ARNT2: variants seen among roughly 807,000 people sequenced by gnomAD.
ARNT2 encodes ARNT protein 2.
Under a neutral mutation model 91.7 loss-of-function variants are expected in ARNT2, and 36 were observed. The observed-to-expected ratio is 0.39, with a 90% CI of 0.30 to 0.52. The LOEUF (loss-of-function observed/expected upper bound fraction) is 0.52, where lower values mean the gene tolerates loss of function less well. Among genes scored for constraint, ARNT2 ranks in the 20% least tolerant of loss-of-function variants. ARNT2 has a pLI of 0.72. For synonymous variants in ARNT2, 365 were observed against 347.1 expected (o/e 1.05, Z -0.57); for missense variants, 775 against 939.3 (o/e 0.83, Z 2.29).
At chr15:80,520,546 G>T (rs931582283) in intron 8 of ARNT2, among the ~76,000 whole-genome samples, 1 of 108,766 alleles carries the variant, frequency 9.2e-6, no homozygotes. Flanking sequence ...ATCTCATGTT[G>T]TGTTCTTACC....
At chr15:80,587,056 G>T (rs1030909670) in intron 17 of ARNT2, among the ~76,000 whole-genome samples, 1 of 152,120 alleles carries the variant, frequency 6.6e-6, no homozygotes, top group Non-Finnish European at 1.5e-5. Flanking sequence ...GAATTATGGG[G>T]AATTATAGAC....
chr15:80,414,167 T>TA (rs1164881884), intron 1 of ARNT2, among the ~76,000 whole-genome samples: 1 of 152,226 alleles, frequency 6.6e-6, no homozygotes, highest in Non-Finnish European at 1.5e-5. Context: ...GCCAAACGTG[T>TA]ATCCACACAG....
chr15:80,466,844 A>G (rs1295992728), intron 3 of ARNT2, among the ~76,000 whole-genome samples: 1 of 152,260 alleles, frequency 6.6e-6, no homozygotes, highest in African/African-American at 2.4e-5. Context: ...AATAAATACA[A>G]TCAGTTTTTA....
In ARNT2 at chr15:80,508,108, C is replaced by T. The variant is rs1455488857; in HGVS notation, c.623-48C>T. The T allele has an allele frequency of 3.8e-6, 6 of 1,591,534 alleles. No individual in the cohort carries two copies. In the Admixed American group the frequency reaches 8.4e-5, roughly 22 times the overall value. On this transcript the variant is annotated intron_variant, in intron 5 of 18. Coordinates refer to ENST00000303329, the MANE Select transcript of ARNT2 (RefSeq NM_014862.4). ...ACTCCCCGAACTCCCTCCTCCATCTCCCAACCGAAGGCAGAGGCTTACGTA... is the reference window on the plus strand; with the variant it reads ...ACTCCCCGAACTCCCTCCTCCATCTTCCAACCGAAGGCAGAGGCTTACGTA...
At chr15:80,525,747 A>C (rs1228234365) in intron 8 of ARNT2, among the ~76,000 whole-genome samples, 3 of 152,124 alleles carry the variant, frequency 2.0e-5, no homozygotes, top group Non-Finnish European at 2.9e-5. Flanking sequence ...AGGTCATGGC[A>C]CTCTTACCCT....
In ARNT2 at chr15:80,499,757, G is replaced by T. The variant is rs191572336; in HGVS notation, c.623-8399G>T. ...CTATGATTGGCCCAGGGTGTGTCAG[G>T]TGCTCAGTCCTCAACCAATCACTAT... On this transcript the variant is annotated intron_variant, in intron 5 of 18. Coordinates refer to ENST00000303329, the MANE Select transcript of ARNT2 (RefSeq NM_014862.4). Among the ~76,000 whole-genome samples the T allele has an allele frequency of 2.2e-4, 33 of 152,272 alleles. 1 individual carries two copies. The highest frequency in any genetic ancestry group is 1.6e-3 in the Admixed American group (25 of 15,306).
At chr15:80,522,744 T>C (rs78806021) in intron 8 of ARNT2, among the ~76,000 whole-genome samples, 2,536 of 148,194 alleles carry the variant, frequency 0.017, 77 homozygotes, top group African/African-American at 0.062. Flanking sequence ...ATAATGACTG[T>C]GTGACTGTAC....
chr15:80,407,818 T>C (rs1460466444), intron 1 of ARNT2, among the ~76,000 whole-genome samples: 1 of 152,200 alleles, frequency 6.6e-6, no homozygotes, highest in East Asian at 1.9e-4. Flanking sequence ...CATAAAAGGG[T>C]ATTTGCAGCT....
At chr15:80,449,519 T>C (rs1896356478) in intron 1 of ARNT2, among the ~76,000 whole-genome samples, 1 of 152,172 alleles carries the variant, frequency 6.6e-6, no homozygotes, top group Non-Finnish European at 1.5e-5. Flanking sequence ...TTTTTTTTTC[T>C]TTGAGGACTT....
intron 8 of ARNT2, among the ~76,000 whole-genome samples, chr15:80,543,154 C>T (rs749083570): frequency 2.8e-4 from 42 of 149,784 alleles, no homozygotes; most frequent in Admixed American, 4.7e-4. Context: ...GCCTTCTTTG[C>T]CCACAAACAT....
chr15:80,539,714 T>C (rs1026745270), intron 8 of ARNT2, among the ~76,000 whole-genome samples: 5 of 152,044 alleles, frequency 3.3e-5, no homozygotes, highest in African/African-American at 1.2e-4. Context: ...GGAAAATCTA[T>C]TCAAAGATTG....
intron 8 of ARNT2, among the ~76,000 whole-genome samples, chr15:80,539,285 T>G (rs1421315308): frequency 6.6e-6 from 1 of 152,164 alleles, no homozygotes; most frequent in Non-Finnish European, 1.5e-5. Flanking sequence ...AATTAATAGT[T>G]ATAGAAATAC....
Position 80,581,313 on chromosome 15 carries a change from C to G in ARNT2, c.1827C>G (p.Asp609Glu), listed in dbSNP as rs144942031. 27 of 1,614,060 alleles carry G rather than the reference C, an allele frequency of 1.7e-5. No individual in the cohort carries two copies. The highest frequency in any genetic ancestry group is 5.0e-5 in the Admixed American group (3 of 60,004). The change falls in exon 17 of 19, where the codon GAC (aspartate) becomes GAG (glutamate). Residue 609 changes from aspartate (D) to glutamate (E), a missense_variant. Physicochemically the swap from Asp to Glu is conservative, Grantham distance 45. Coordinates refer to ENST00000303329, the MANE Select transcript of ARNT2 (RefSeq NM_014862.4). ...GIGTSHTYPA[D>E]PSSYSPLSSP... Reference sequence around the variant, plus strand: ...GAACGAGCCACACCTACCCGGCAGACCCCTCTTCCTACAGCCCCCTCTCCA... The same window carrying G: ...GAACGAGCCACACCTACCCGGCAGAGCCCTCTTCCTACAGCCCCCTCTCCA...
At chr15:80,573,690 C>G (rs1161874949) in intron 12 of ARNT2, among the ~76,000 whole-genome samples, 1 of 152,246 alleles carries the variant, frequency 6.6e-6, no homozygotes, top group Non-Finnish European at 1.5e-5. Flanking sequence ...TTGGCAACCA[C>G]TTAACCTCTT....
chr15:80,467,604 C>G (rs112513640), intron 3 of ARNT2, among the ~76,000 whole-genome samples: 1 of 152,190 alleles, frequency 6.6e-6, no homozygotes, highest in Admixed American at 6.5e-5. Flanking sequence ...CTAACTCATG[C>G]GTGTACTGCC....
intron 12 of ARNT2, among the ~76,000 whole-genome samples, chr15:80,566,844 T>C (rs1898493879): frequency 3.3e-5 from 5 of 152,196 alleles, no homozygotes; most frequent in African/African-American, 9.7e-5. Context: ...TGGTTGTAAG[T>C]AGAGCAGGAA....
chr15:80,484,034 G>T (rs1296849628), intron 5 of ARNT2, among the ~76,000 whole-genome samples: 1 of 152,192 alleles, frequency 6.6e-6, no homozygotes, highest in Non-Finnish European at 1.5e-5. Flanking sequence ...AGTCATGAAG[G>T]TAACTTCATA....
At chr15:80,467,483 A>G (rs1432176787) in intron 3 of ARNT2, among the ~76,000 whole-genome samples, 4 of 152,170 alleles carry the variant, frequency 2.6e-5, no homozygotes, top group Non-Finnish European at 5.9e-5. Context: ...CCCAGAAGTC[A>G]GGCTGAAGAG....
chr15:80,500,109 A>G (rs1423447432), intron 5 of ARNT2, among the ~76,000 whole-genome samples: 1 of 152,190 alleles, frequency 6.6e-6, no homozygotes, highest in Non-Finnish European at 1.5e-5. Flanking sequence ...TCACTGACAC[A>G]GCTCCAGGCT....
Sources: allele counts gnomAD v4.1 joint callset (sites outside exome capture counted in the v4.1 genomes callset), GRCh38; gene constraint gnomAD v4.1.1; transcripts MANE v1.5; gene names NCBI Gene and HGNC (gene_info 2026-07-23, HGNC 2026-07-21).